Variants in KY observed in about 807,000 individuals in gnomAD.
The protein encoded by KY is kyphoscoliosis peptidase.
Under a neutral mutation model 76.1 loss-of-function variants are expected in KY, and 43 were observed. The ratio of observed to expected loss-of-function variants is 0.57; its 90% CI spans 0.44 to 0.73. KY has a LOEUF of 0.73. Ranked by LOEUF, KY falls within the 30% of genes least tolerant of loss-of-function variation. The pLI, the probability that KY is intolerant of heterozygous loss-of-function variation, is 0.00. For missense variants in KY, 722 were observed against 828.9 expected (o/e 0.87, Z 1.58); for synonymous variants, 277 against 326.2 (o/e 0.85, Z 1.63).
chr3:134,637,403 T>A (rs1325613176), intron 3 of KY, among the ~76,000 whole-genome samples: 1 of 152,234 alleles, frequency 6.6e-6, no homozygotes, highest in African/African-American at 2.4e-5. Context: ...GACTTCAAGA[T>A]GCCTTGTGAA....
chr3:134,639,742 T>C (rs1336638971), intron 3 of KY: 1 of 151,656 alleles, frequency 6.6e-6, no homozygotes, highest in African/African-American at 2.4e-5. Context: ...GCCCAGGGGT[T>C]TGAGACCATT....
chr3:134,605,643 C>A (rs1009429722), intron 10 of KY, among the ~76,000 whole-genome samples: 1 of 152,126 alleles, frequency 6.6e-6, no homozygotes, highest in East Asian at 1.9e-4. Context: ...CTGCCCACTC[C>A]GCACCTGCCC....
chr3:134,631,956 AT>A (rs1352532434), intron 3 of KY, among the ~76,000 whole-genome samples: 1 of 152,144 alleles, frequency 6.6e-6, no homozygotes, highest in Non-Finnish European at 1.5e-5. Flanking sequence ...TTTAACTACT[AT>A]GATATAGGTT....
In KY at chr3:134,599,985, T is replaced by C. The variant is rs970215823; in HGVS notation, c.*3594A>G. 6.6e-6 allele frequency among the ~76,000 whole-genome samples: 1 copy of C among 152,192 alleles called. No homozygotes were observed. Among genetic ancestry groups the C allele is most frequent in the Non-Finnish European group, 1.5e-5 (1 of 68,036 alleles). On this transcript the variant is annotated 3_prime_UTR_variant, in exon 11 of 11. Transcript: ENST00000423778. ...CACCAGCAACAACATGGAGAAAGCA[T>C]ACTCAACAGCCACCGGCCCACACAA...
Position 134,604,307 on chromosome 3 carries a change from C to T in KY, c.1258G>A (p.Gly420Ser), listed in dbSNP as rs746474862. 6.2e-7 allele frequency: 1 copy of T among 1,613,840 alleles called. No homozygotes were observed. Among genetic ancestry groups the T allele is most frequent in the Non-Finnish European group, 8.5e-7 (1 of 1,179,902 alleles). Reference sequence around the variant, plus strand: ...ACTGAGCTGTAGATGTCGGAGTTGCCCTTGGCAAAGATCTGCAGCTTGTGA... The same window carrying T: ...ACTGAGCTGTAGATGTCGGAGTTGCTCTTGGCAAAGATCTGCAGCTTGTGA... ...GTHKLQIFAK[G>S]NSDIYSSVLE... Residue 420 changes from glycine to serine, a missense_variant, in exon 11 of 11, where the codon GGC (glycine) becomes AGC (serine). By Grantham distance (56) the Gly-to-Ser change is moderately conservative. Around this residue, in one of 2 missense-constraint regions of KY, gnomAD observed 552 missense variants for 680.9 expected, o/e 0.81. Transcript: ENST00000423778.
Position 134,601,581 on chromosome 3 carries a change from G to A in KY, c.*1998C>T, listed in dbSNP as rs1041815201. On this transcript the variant is annotated 3_prime_UTR_variant, in exon 11 of 11. Transcript: ENST00000423778. The stretch of plus-strand genomic sequence containing the variant: ...AAACTCCCTTTGTTTCCCTGTGGTG[G>A]TGCATAGCTGTTATGCCTCCGGGGC... Among the ~76,000 whole-genome samples the A allele has an allele frequency of 8.5e-5, 13 of 152,186 alleles. No homozygotes were observed. Among genetic ancestry groups the A allele is most frequent in the Admixed American group, 2.6e-4 (4 of 15,284 alleles).
At chr3:134,625,317 A>G (rs1963285671) in intron 5 of KY, among the ~76,000 whole-genome samples, 182 bp from the exon 6 acceptor site, 1 of 152,250 alleles carries the variant, frequency 6.6e-6, no homozygotes, top group Non-Finnish European at 1.5e-5. Flanking sequence ...TGATCAAGTT[A>G]GTTTGGGAAC....
rs145521365 is a variant in KY, at chr3:134,601,550, G to T, written c.*2029C>A. Among the ~76,000 whole-genome samples the T allele has an allele frequency of 2.8e-4, 43 of 152,282 alleles. No individual in the cohort carries two copies. The East Asian group carries it at 7.7e-3, about 27-fold the overall frequency. On this transcript the variant is annotated 3_prime_UTR_variant, in exon 11 of 11. Coordinates refer to ENST00000423778, the MANE Select transcript of KY (RefSeq NM_178554.6). ...AAGTGTGCAAGACGGCTGTTTTCAG[G>T]GTGTAAAACTCCCTTTGTTTCCCTG...
intron 8 of KY, among the ~76,000 whole-genome samples, chr3:134,612,781 G>A (rs866788480): frequency 2.0e-5 from 3 of 151,058 alleles, no homozygotes; most frequent in African/African-American, 7.3e-5. Flanking sequence ...GTGTGTGTGT[G>A]TGTGTGTGTG....
chr3:134,607,212 T>C (rs1057340947), intron 10 of KY: 1 of 985,478 alleles, frequency 1.0e-6, no homozygotes, highest in Non-Finnish European at 1.2e-6. Context: ...GATTCTCAAA[T>C]TGAGCAACTT....
At chr3:134,613,893 T>C (rs1397282358) in intron 8 of KY, among the ~76,000 whole-genome samples, 3 of 152,180 alleles carry the variant, frequency 2.0e-5, no homozygotes, top group Non-Finnish European at 4.4e-5. Context: ...GAACCACAAC[T>C]CTTTCATGTC....
At chr3:134,637,118 G>C (rs1965085417) in intron 3 of KY, among the ~76,000 whole-genome samples, 1 of 152,236 alleles carries the variant, frequency 6.6e-6, no homozygotes, top group Non-Finnish European at 1.5e-5. Context: ...GCATAGCTTT[G>C]AAGGGGTTAA....
chr3:134,605,833 G>C (rs539040257), intron 10 of KY, among the ~76,000 whole-genome samples: 54 of 152,150 alleles, frequency 3.5e-4, no homozygotes, highest in African/African-American at 1.2e-3. Context: ...TCCCCTCTTT[G>C]CGACCCCCAC....
At position 134,650,945 on chromosome 3, in the gene KY, C is replaced by G. The variant is rs540705002; in HGVS notation, c.16G>C (p.Asp6His). Residue 6 changes from aspartate to histidine, a missense_variant, in exon 1 of 11, where the codon GAC (aspartate) becomes CAC (histidine). By Grantham distance (81) the Asp-to-His change is moderately conservative. Transcript: ENST00000423778. MELKK[D>H]INAVSIDMLL... ...ATGTCGATAGATACAGCGTTGATGT[C>G]CTTCTTCAGCTCCATGATGCCGCCT... 1 of 1,613,324 alleles carries G rather than the reference C, an allele frequency of 6.2e-7. No homozygotes were observed.
rs913553654 is a variant in KY, at chr3:134,600,042, T to A, written c.*3537A>T. 6.6e-6 allele frequency among the ~76,000 whole-genome samples: 1 copy of A among 152,200 alleles called. No individual in the cohort carries two copies. Among genetic ancestry groups the A allele is most frequent in the Non-Finnish European group, 1.5e-5 (1 of 68,030 alleles). The stretch of plus-strand genomic sequence containing the variant: ...GCACACATTATGAGAAGTAATCACC[T>A]CTTTCAATTGCCGACTACTTACTCC... On this transcript the variant is annotated 3_prime_UTR_variant, in exon 11 of 11. Coordinates refer to ENST00000423778, the MANE Select transcript of KY (RefSeq NM_178554.6).
intron 3 of KY, among the ~76,000 whole-genome samples, chr3:134,630,838 A>G (rs1001362050): frequency 1.3e-5 from 2 of 152,228 alleles, no homozygotes; most frequent in African/African-American, 4.8e-5. Context: ...CCACAATAAC[A>G]TGCCCTAACA....
rs755056582 is a variant in KY, at chr3:134,603,422, T to C, written c.*157A>G. ...GAGTGAAGCCTTCAGAACACAAAGA[T>C]CACAGCTCCTGTGGCAGAGGTGGGA... On this transcript the variant is annotated 3_prime_UTR_variant, in exon 11 of 11. Coordinates refer to ENST00000423778, the MANE Select transcript of KY (RefSeq NM_178554.6). The C allele has an allele frequency of 3.0e-6, 2 of 661,784 alleles. No individual in the cohort carries two copies. The highest frequency in any genetic ancestry group is 5.1e-6 in the Non-Finnish European group (2 of 395,244). The allele number at this position is 661,784 out of a possible 1,614,324, so 41.0% of individuals were successfully genotyped here.
rs558960974 is a variant in KY, at chr3:134,633,398, A to G, written c.263-3703T>C. 3.9e-4 allele frequency among the ~76,000 whole-genome samples: 59 copies of G among 152,262 alleles called. 1 individual carries two copies. The South Asian group carries it at 5.2e-3, about 13-fold the overall frequency. On this transcript the variant is annotated intron_variant, in intron 3 of 10. Transcript: ENST00000423778. The stretch of plus-strand genomic sequence containing the variant: ...TCCAACAATATAGTAAAAGAAAAAT[A>G]TACTACAACCATGGGTGGTTTATTT...
At chr3:134,638,544 C>T (rs1965289285) in intron 3 of KY, among the ~76,000 whole-genome samples, 1 of 152,226 alleles carries the variant, frequency 6.6e-6, no homozygotes, top group African/African-American at 2.4e-5. Flanking sequence ...TCTGAAGCTG[C>T]AGCTTTGACC....
Sources: allele counts gnomAD v4.1 joint callset (sites outside exome capture counted in the v4.1 genomes callset), GRCh38; gene constraint gnomAD v4.1.1; regional missense constraint gnomAD v4.1.1; transcripts MANE v1.5; gene names NCBI Gene and HGNC (gene_info 2026-07-23, HGNC 2026-07-21).